Variants in ENTREP2 observed in about 807,000 individuals in gnomAD.
ENTREP2 encodes the protein endosomal transmembrane epsin interactor 2, also known as protein ENTREP2.
chr15:29,466,889 C>G, the ENTREP2 span, among the ~76,000 whole-genome samples: 2 of 126,454 alleles, frequency 1.6e-5, no homozygotes, highest in East Asian at 4.7e-4. Flanking sequence ...GGGAAGGGCC[C>G]AGGGGAAGAT....
At chr15:29,123,765 C>G in the ENTREP2 span, 1 of 1,161,738 alleles carries the variant, frequency 8.6e-7, no homozygotes, top group Non-Finnish European at 1.2e-6. Flanking sequence ...TTTCTGTGTT[C>G]CTGGGGCTGG....
chr15:29,418,409 G>A, the ENTREP2 span, among the ~76,000 whole-genome samples: 1 of 152,134 alleles, frequency 6.6e-6, no homozygotes, highest in East Asian at 1.9e-4. Context: ...TCCGTGCAGA[G>A]TACAGAAGCC....
At chr15:29,404,633 T>G in the ENTREP2 span, among the ~76,000 whole-genome samples, 2 of 150,174 alleles carry the variant, frequency 1.3e-5, no homozygotes, top group Non-Finnish European at 3.0e-5. Context: ...ATACCTCCCC[T>G]CCCCTCCTCG....
chr15:29,392,004 T>A, the ENTREP2 span, among the ~76,000 whole-genome samples: 2 of 152,130 alleles, frequency 1.3e-5, no homozygotes, highest in African/African-American at 2.4e-5. Context: ...TTTTTTCCTA[T>A]TTTTTAGTAG....
At chr15:29,188,048 G>A in the ENTREP2 span, among the ~76,000 whole-genome samples, 1 of 152,312 alleles carries the variant, frequency 6.6e-6, no homozygotes, top group East Asian at 1.9e-4. Flanking sequence ...GAGAGGGGCG[G>A]TATCGCACAG....
At chr15:29,539,316 C>G in the ENTREP2 span, among the ~76,000 whole-genome samples, 1 of 151,782 alleles carries the variant, frequency 6.6e-6, no homozygotes, top group Non-Finnish European at 1.5e-5. Flanking sequence ...CTGGTGTGCT[C>G]AGCAACCAGA....
chr15:29,145,948 A>G, the ENTREP2 span, among the ~76,000 whole-genome samples: 1 of 152,180 alleles, frequency 6.6e-6, no homozygotes, highest in Non-Finnish European at 1.5e-5. Flanking sequence ...AAAGCTCAAA[A>G]TGAGTTCAGC....
At chr15:29,235,355 C>T in the ENTREP2 span, among the ~76,000 whole-genome samples, 311 of 152,242 alleles carry the variant, frequency 2.0e-3, 1 homozygote, top group Admixed American at 4.6e-3. Flanking sequence ...AAGATATCTG[C>T]GTGGTTGCCT....
the ENTREP2 span, among the ~76,000 whole-genome samples, chr15:29,389,312 GACTAAGAC>G: frequency 2.0e-5 from 3 of 152,140 alleles, no homozygotes; most frequent in Non-Finnish European, 2.9e-5. Flanking sequence ...AGCCTAAGTA[GACTAAGAC>G]ACTACGACAT....
the ENTREP2 span, among the ~76,000 whole-genome samples, chr15:29,129,608 G>C: frequency 2.0e-5 from 3 of 152,194 alleles, no homozygotes; most frequent in African/African-American, 7.2e-5. Context: ...TCAGCCTTCT[G>C]AGTAGCTGGG....
chr15:29,452,363 C>G, the ENTREP2 span, among the ~76,000 whole-genome samples: 1 of 152,322 alleles, frequency 6.6e-6, no homozygotes, highest in East Asian at 1.9e-4. Context: ...GAAGGGAAGC[C>G]ATAGCCCTTC....
chr15:29,149,935 G>A, the ENTREP2 span, among the ~76,000 whole-genome samples: 2 of 152,224 alleles, frequency 1.3e-5, no homozygotes, highest in Non-Finnish European at 2.9e-5. Context: ...AAAGTACTCA[G>A]CGAGGAAACA....
the ENTREP2 span, among the ~76,000 whole-genome samples, chr15:29,225,316 CAGG>C: frequency 6.6e-5 from 10 of 152,388 alleles, 1 homozygote; most frequent in Admixed American, 6.5e-4. Context: ...CTCTCAGAAG[CAGG>C]AGAAGTCCCG....
the ENTREP2 span, among the ~76,000 whole-genome samples, chr15:29,166,785 A>G: frequency 3.3e-5 from 5 of 152,184 alleles, no homozygotes; most frequent in African/African-American, 1.2e-4. Flanking sequence ...CCATCAAAAT[A>G]CCACCATCAT....
At chr15:29,357,005 C>A in the ENTREP2 span, among the ~76,000 whole-genome samples, 1 of 151,994 alleles carries the variant, frequency 6.6e-6, no homozygotes, top group South Asian at 2.1e-4. Context: ...CCAAAGCAGA[C>A]CAAAGGGGCA....
the ENTREP2 span, among the ~76,000 whole-genome samples, chr15:29,626,831 T>C: frequency 6.6e-6 from 1 of 152,142 alleles, no homozygotes; most frequent in Non-Finnish European, 1.5e-5. Context: ...TTCCCCTTCA[T>C]ACCTAGTTTG....
At chr15:29,120,207 G>C in the ENTREP2 span, 2 of 152,238 alleles carry the variant, frequency 1.3e-5, no homozygotes, top group Non-Finnish European at 2.9e-5. Context: ...GGGGTACACA[G>C]CCTCTCAGCC....
At chr15:29,424,816 C>T in the ENTREP2 span, among the ~76,000 whole-genome samples, 9 of 152,196 alleles carry the variant, frequency 5.9e-5, no homozygotes, top group Non-Finnish European at 8.8e-5. Context: ...CCAAAATCCT[C>T]GCCAGTGTCT....
chr15:29,440,424 T>A, the ENTREP2 span, among the ~76,000 whole-genome samples: 1 of 152,150 alleles, frequency 6.6e-6, no homozygotes. Flanking sequence ...ATAGTATGCA[T>A]TGATCATAAA....
Sources: gnomAD v4.1 joint callset for allele counts (sites outside exome capture counted in the v4.1 genomes callset) on GRCh38, gnomAD v4.1.1 for gene constraint, MANE v1.5 for transcripts, NCBI Gene and HGNC (gene_info 2026-07-23, HGNC 2026-07-21) for gene names.